The following MGAM2 variants were observed in gnomAD, a reference collection of about 807,000 sequenced individuals.
MGAM2 encodes maltase-glucoamylase 2 (putative).
Under a neutral mutation model 96.1 loss-of-function variants are expected in MGAM2, and 98 were observed. That is an observed-to-expected ratio of 1.02 (90% confidence interval 0.87 to 1.21). The LOEUF (loss-of-function observed/expected upper bound fraction) is 1.21, where lower values mean the gene tolerates loss of function less well. MGAM2 is among the 50% of genes most tolerant of loss of function. MGAM2 has a pLI of 0.00. For synonymous variants in MGAM2, 749 were observed against 414.8 expected (o/e 1.81, Z -9.79); for missense variants, 2,055 against 1,182.4 (o/e 1.74, Z -10.82).
At chr7:142,179,643 A>G (rs1796480271) in intron 32 of MGAM2, among the ~76,000 whole-genome samples, 1 of 152,156 alleles carries the variant, frequency 6.6e-6, no homozygotes, top group African/African-American at 2.4e-5. Flanking sequence ...TTCTGTTTAT[A>G]TGGCGAATCA....
At position 142,176,921 on chromosome 7, in the gene MGAM2, G is replaced by GA. The variant is rs924636754; in HGVS notation, c.3816+1147dup. Among the ~76,000 whole-genome samples, 8 of 152,118 alleles carry GA rather than the reference G, an allele frequency of 5.3e-5. No homozygotes were observed. In the East Asian group the frequency reaches 1.4e-3, roughly 26 times the overall value. ...GTAAAAATAGATTTCTATGTCATTG[G>GA]AAAAAATCACTTATGTCATATTTAA... On this transcript the variant is annotated intron_variant, in intron 32 of 47. Coordinates refer to ENST00000477922, the MANE Select transcript of MGAM2 (RefSeq NM_001293626.2).
chr7:142,198,949 A>G (rs1797139046), intron 44 of MGAM2, among the ~76,000 whole-genome samples: 1 of 152,230 alleles, frequency 6.6e-6, no homozygotes, highest in African/African-American at 2.4e-5. Context: ...ATACACACAT[A>G]TATTTTTGTC....
intron 31 of MGAM2, among the ~76,000 whole-genome samples, chr7:142,173,834 A>G (rs1447141989): frequency 6.6e-6 from 1 of 152,212 alleles, no homozygotes; most frequent in Admixed American, 6.5e-5. Flanking sequence ...CAAGAAAGCT[A>G]TAGAATAATG....
At chr7:142,166,392 C>G in intron 25 of MGAM2, 139 bp downstream of exon 25, 1 of 526,430 alleles carries the variant, frequency 1.9e-6, no homozygotes, top group Non-Finnish European at 3.3e-6. Flanking sequence ...GATAGGTCAT[C>G]AGTATTTTCC....
chr7:142,186,753 G>A (rs751255820), intron 35 of MGAM2, among the ~76,000 whole-genome samples: 1 of 152,174 alleles, frequency 6.6e-6, no homozygotes, highest in Non-Finnish European at 1.5e-5. Context: ...TCAGCTCTGG[G>A]TCAGACTGGA....
At chr7:142,219,711 C>CA (rs1452622985) in intron 47 of MGAM2, among the ~76,000 whole-genome samples, 159 bp from the exon 48 acceptor site, 31 of 152,194 alleles carry the variant, frequency 2.0e-4, no homozygotes, top group African/African-American at 7.5e-4. Context: ...TTTATCTGAC[C>CA]AAAATCAACA....
Position 142,220,231 on chromosome 7 carries a change from G to T in MGAM2, c.5720G>T (p.Ser1907Ile), listed in dbSNP as rs867603993. 31 of 701,918 alleles carry T rather than the reference G, an allele frequency of 4.4e-5. No individual in the cohort carries two copies. Among genetic ancestry groups the T allele is most frequent in the African/African-American group, 4.2e-4 (24 of 56,966 alleles). 43.5% of individuals were successfully genotyped at this position (701,918 alleles called of 1,614,324 possible). A position where few individuals can be genotyped will look rare whatever the true frequency, so the allele number is the denominator to read the frequency against. The change falls in exon 48 of 48, where the codon AGT becomes ATT. Residue 1907 changes from serine (S) to isoleucine (I), a missense_variant. By Grantham distance (142) the Ser-to-Ile change is moderately radical. Coordinates refer to ENST00000477922, the MANE Select transcript of MGAM2 (RefSeq NM_001293626.2). Reference protein sequence around the residue: ...VPITTTPFPTSTIGVTTNATV... With the variant: ...VPITTTPFPTITIGVTTNATV... ...ATCACAACCACACCTTTCCCAACAA[G>T]TACTATTGGTGTTACAACTAATGCT...
intron 17 of MGAM2, among the ~76,000 whole-genome samples, chr7:142,157,004 C>G (rs1246766143): frequency 6.6e-6 from 1 of 152,098 alleles, no homozygotes; most frequent in Non-Finnish European, 1.5e-5. Context: ...AAACCATCGT[C>G]ATAATTTATT....
intron 15 of MGAM2, 141 bp downstream of exon 15, chr7:142,147,714 A>G (rs1795430858): frequency 5.4e-6 from 3 of 553,004 alleles, no homozygotes; most frequent in African/African-American, 1.9e-5. Flanking sequence ...CTTACAGAGT[A>G]TTTAAGAGTT....
intron 15 of MGAM2, among the ~76,000 whole-genome samples, chr7:142,149,240 T>TA (rs1795483496): frequency 8.0e-6 from 1 of 124,958 alleles, no homozygotes; most frequent in Admixed American, 8.3e-5. Flanking sequence ...AAAAAAAAAA[T>TA]AAAAAAAGAT....
chr7:142,143,484 G>T (rs908112863), intron 12 of MGAM2, among the ~76,000 whole-genome samples: 1 of 152,004 alleles, frequency 6.6e-6, no homozygotes, highest in Non-Finnish European at 1.5e-5. Context: ...TAAACAATTT[G>T]TCTCCCAACT....
intron 27 of MGAM2, chr7:142,171,071 C>A: frequency 3.3e-6 from 2 of 610,352 alleles, no homozygotes; most frequent in Middle Eastern, 4.3e-4. Context: ...GTCTGACAAA[C>A]CACAGAACAG....
At chr7:142,145,011 C>T in intron 14 of MGAM2, 66 bp downstream of exon 14, 1 of 690,980 alleles carries the variant, frequency 1.4e-6, no homozygotes, top group Non-Finnish European at 2.6e-6. Context: ...CAGTAATACT[C>T]AGTGTGGTCG....
At chr7:142,175,038 C>A (rs1796329636) in intron 31 of MGAM2, among the ~76,000 whole-genome samples, 2 of 152,060 alleles carry the variant, frequency 1.3e-5, no homozygotes, top group African/African-American at 4.8e-5. Context: ...ATTTCTCTTG[C>A]CTGATTGCCC....
chr7:142,130,362 G>T (rs1379506469), intron 3 of MGAM2, among the ~76,000 whole-genome samples: 1 of 152,158 alleles, frequency 6.6e-6, no homozygotes, highest in East Asian at 1.9e-4. Context: ...AAACTTCTTG[G>T]ACTGGCTTCC....
In MGAM2 at chr7:142,221,386, A is replaced by G. The variant is rs1797922701; in HGVS notation, c.6875A>G (p.Tyr2292Cys). 2 of 606,566 alleles carry G rather than the reference A, an allele frequency of 3.3e-6. No individual in the cohort carries two copies. Among genetic ancestry groups the G allele is most frequent in the Non-Finnish European group, 5.9e-6 (2 of 341,078 alleles). The allele number at this position is 606,566 out of a possible 1,614,324, so 37.6% of individuals were successfully genotyped here. ...AATACTAATCCTGGCATGACTACTT[A>G]TTACCAGACTTCTCCTACCATTCCT... ...SNNTNPGMTT[Y>C]YQTSPTIPTH... The change falls in exon 48 of 48, where the codon TAT becomes TGT. Residue 2292 changes from tyrosine to cysteine, a missense_variant. Coordinates refer to ENST00000477922, the MANE Select transcript of MGAM2 (RefSeq NM_001293626.2).
At chr7:142,149,634 G>A (rs935443765) in intron 15 of MGAM2, among the ~76,000 whole-genome samples, 13 of 151,684 alleles carry the variant, frequency 8.6e-5, no homozygotes, top group African/African-American at 1.2e-4. Context: ...TCCGCCTCCT[G>A]GGTTCACGCC....
intron 3 of MGAM2, among the ~76,000 whole-genome samples, chr7:142,127,456 A>G (rs2129075989): frequency 6.6e-6 from 1 of 152,220 alleles, no homozygotes; most frequent in Admixed American, 6.5e-5. Context: ...TTCAGTTTAA[A>G]TATTCAGGAG....
At chr7:142,201,657 A>C (rs144244343) in intron 45 of MGAM2, among the ~76,000 whole-genome samples, 1 of 152,190 alleles carries the variant, frequency 6.6e-6, no homozygotes, top group African/African-American at 2.4e-5. Context: ...CAGTTAGCCT[A>C]CAATAGTTGC....
Sources: gnomAD v4.1 joint callset for allele counts (sites outside exome capture counted in the v4.1 genomes callset) on GRCh38, gnomAD v4.1.1 for gene constraint, MANE v1.5 for transcripts, NCBI Gene and HGNC (gene_info 2026-07-23, HGNC 2026-07-21) for gene names.